DGKG: variants seen among roughly 807,000 people sequenced by gnomAD.
The protein encoded by DGKG is diacylglycerol kinase gamma, also known as DAG kinase gamma.
In DGKG, 78 loss-of-function variants were observed where a neutral mutation model predicts 105.3. That is an observed-to-expected ratio of 0.74 (90% confidence interval 0.62 to 0.89). The LOEUF (loss-of-function observed/expected upper bound fraction) is 0.89. DGKG is among the 40% of genes least tolerant of loss of function. The pLI is 0.00. For missense variants in DGKG, 958 were observed against 1,020.1 expected (o/e 0.94, Z 0.83); for synonymous variants, 346 against 367.1 (o/e 0.94, Z 0.66).
intron 24 of DGKG, chr3:186,160,575 C>G: frequency 1.0e-6 from 1 of 985,410 alleles, no homozygotes; most frequent in Non-Finnish European, 1.2e-6. Context: ...CTTTTCTCAG[C>G]AGGTTCATGG....
At position 186,310,616 on chromosome 3, in the gene DGKG, CA is replaced by C. The variant is rs1724495105; in HGVS notation, c.68-3640del. 3.3e-5 allele frequency among the ~76,000 whole-genome samples: 5 copies of C among 152,268 alleles called. No homozygotes were observed. The South Asian group carries it at 1.0e-3, about 32-fold the overall frequency. ...TGTTTCATCTTAAGACAGAAAAGAA[CA>C]ACGAGGGAATAGCATCCCTTGGTCT... On this transcript the variant is annotated intron_variant, in intron 2 of 24. Coordinates refer to ENST00000265022, the MANE Select transcript of DGKG (RefSeq NM_001346.3).
At chr3:186,330,369 T>C (rs1210039535) in intron 1 of DGKG, among the ~76,000 whole-genome samples, 1 of 152,216 alleles carries the variant, frequency 6.6e-6, no homozygotes, top group African/African-American at 2.4e-5. Context: ...GTGGTCGTCA[T>C]TTACATTGGT....
intron 21 of DGKG, chr3:186,207,495 A>T (rs1718803426): frequency 2.0e-6 from 2 of 985,338 alleles, no homozygotes; most frequent in Admixed American, 1.2e-4. Context: ...TGCTTTGCAG[A>T]TTCCATGAGG....
In DGKG at chr3:186,284,803, C is replaced by T; in HGVS notation, c.545-94G>A. On this transcript the variant is annotated intron_variant, in intron 6 of 24. Coordinates refer to ENST00000265022, the MANE Select transcript of DGKG (RefSeq NM_001346.3). This position sits in a 1 kb window ranked among gnomAD's most constrained non-coding sequence, Gnocchi z 4.0. ...TGCCAGGTTTTTAGATTAGTTCTGT[C>T]ACCACTGTGACGAAGGTTATGGCAG... The T allele has an allele frequency of 9.7e-7, 1 of 1,031,298 alleles. No homozygotes were observed. Among genetic ancestry groups the T allele is most frequent in the Non-Finnish European group, 1.5e-6 (1 of 659,268 alleles). The allele number at this position is 1,031,298 out of a possible 1,614,324, so 63.9% of individuals were successfully genotyped here.
intron 20 of DGKG, among the ~76,000 whole-genome samples, chr3:186,240,332 C>T (rs1720623824): frequency 6.6e-6 from 1 of 152,214 alleles, no homozygotes; most frequent in African/African-American, 2.4e-5. Flanking sequence ...TGCACATCTG[C>T]TTTCCAGCCT....
chr3:186,201,412 A>T (rs1718454683), intron 21 of DGKG, among the ~76,000 whole-genome samples: 1 of 152,132 alleles, frequency 6.6e-6, no homozygotes, highest in African/African-American at 2.4e-5. Flanking sequence ...TCCACCCTAC[A>T]GCCACCTGGC....
At chr3:186,240,255 C>T (rs540928833) in intron 20 of DGKG, among the ~76,000 whole-genome samples, 6 of 152,310 alleles carry the variant, frequency 3.9e-5, no homozygotes, top group African/African-American at 1.4e-4. Context: ...CTCCATGCCA[C>T]GTTTCGTGTC....
intron 9 of DGKG, 23 bp from the exon 10 acceptor site, chr3:186,275,687 G>A (rs372735476): frequency 3.1e-6 from 5 of 1,589,872 alleles, no homozygotes; most frequent in Non-Finnish European, 4.3e-6. Context: ...TAGGAGGTGA[G>A]ACCCCAAGCT....
At chr3:186,185,479 G>A (rs1717579667) in intron 22 of DGKG, among the ~76,000 whole-genome samples, 1 of 152,202 alleles carries the variant, frequency 6.6e-6, no homozygotes. Context: ...GGAAGATGAA[G>A]GTTGTCCTTG....
At position 186,361,344 on chromosome 3, in the gene DGKG, G is replaced by A. The variant is rs545810099; in HGVS notation, c.-249+602C>T. 3.3e-5 allele frequency among the ~76,000 whole-genome samples: 5 copies of A among 152,274 alleles called. No individual in the cohort carries two copies. The South Asian group carries it at 1.0e-3, about 32-fold the overall frequency. ...CGGGTACGCACTCCTCAGGACACAA[G>A]CACACACACGGACACATCTTGTGAC... On this transcript the variant is annotated intron_variant, in intron 1 of 24. Transcript: ENST00000265022. The surrounding 1 kb of genome is among the most constrained non-coding windows in gnomAD (Gnocchi z 6.8).
intron 1 of DGKG, among the ~76,000 whole-genome samples, chr3:186,345,054 T>C (rs1365955571): frequency 6.6e-6 from 1 of 152,190 alleles, no homozygotes; most frequent in Non-Finnish European, 1.5e-5. Flanking sequence ...CGTGTTTCCA[T>C]CAGTTTGGGG....
chr3:186,246,494 G>A (rs1161568055), intron 19 of DGKG, among the ~76,000 whole-genome samples: 3 of 152,090 alleles, frequency 2.0e-5, no homozygotes, highest in African/African-American at 7.2e-5. Context: ...GGATAACACA[G>A]GTCTAAGTCA....
intron 24 of DGKG, 52 bp downstream of exon 24, chr3:186,161,551 G>C: frequency 6.2e-7 from 1 of 1,613,398 alleles, no homozygotes; most frequent in Non-Finnish European, 8.5e-7. Flanking sequence ...GTGCCCAAAA[G>C]GGCTCAAAAA....
intron 18 of DGKG, 131 bp downstream of exon 18, chr3:186,252,962 A>G (rs1361924803): frequency 1.1e-5 from 8 of 735,068 alleles, no homozygotes; most frequent in African/African-American, 1.7e-5. Flanking sequence ...TGGACTTGAC[A>G]TGACTGCAGA....
chr3:186,348,451 CT>C (rs1159516433), intron 1 of DGKG, among the ~76,000 whole-genome samples: 641 of 50,698 alleles, frequency 0.013, 9 homozygotes, highest in African/African-American at 0.029. Flanking sequence ...GGCTCATAAT[CT>C]TTTTTTTTTT....
At chr3:186,248,581 T>C (rs558828644) in intron 19 of DGKG, among the ~76,000 whole-genome samples, 3 of 152,328 alleles carry the variant, frequency 2.0e-5, no homozygotes, top group African/African-American at 4.8e-5. Context: ...TACCCAGACC[T>C]ACTGAGTTGG....
intron 1 of DGKG, among the ~76,000 whole-genome samples, chr3:186,332,683 C>A (rs1725656953): frequency 6.6e-6 from 1 of 152,174 alleles, no homozygotes; most frequent in South Asian, 2.1e-4. Context: ...TTAACACATG[C>A]TTCCCAAGGT....
intron 1 of DGKG, among the ~76,000 whole-genome samples, chr3:186,326,526 A>C (rs1271182175): frequency 1.3e-5 from 2 of 151,996 alleles, no homozygotes; most frequent in Non-Finnish European, 2.9e-5. Context: ...CCGACATTGC[A>C]AAGTCAATTG....
At chr3:186,182,059 G>T (rs1717385395) in intron 22 of DGKG, among the ~76,000 whole-genome samples, 1 of 152,186 alleles carries the variant, frequency 6.6e-6, no homozygotes, top group Non-Finnish European at 1.5e-5. Context: ...CATGCCCTTG[G>T]TGCTTCCTCA....
Sources: gnomAD v4.1 joint callset for allele counts (sites outside exome capture counted in the v4.1 genomes callset) on GRCh38, gnomAD v4.1.1 for gene constraint, Gnocchi (gnomAD v3.1) non-coding constraint, MANE v1.5 for transcripts, NCBI Gene and HGNC (gene_info 2026-07-23, HGNC 2026-07-21) for gene names.